Variants in GRM3 observed in about 807,000 individuals in gnomAD.
GRM3 encodes glutamate metabotropic receptor 3.
GRM3 carries 26 observed loss-of-function variants against 70.5 expected under a neutral mutation model. The ratio of observed to expected loss-of-function variants is 0.37; its 90% CI spans 0.27 to 0.51. GRM3 has a LOEUF of 0.51. GRM3 is among the 20% of genes least tolerant of loss of function. GRM3 has a pLI of 0.93. For missense variants in GRM3, 859 were observed against 1,123.8 expected, an observed-to-expected ratio of 0.76 and a Z score of 3.37; for synonymous variants, 443 against 434.9, an observed-to-expected ratio of 1.02 and a Z score of -0.23.
chr7:86,699,337 C>T (rs535405863), intron 1 of GRM3, among the ~76,000 whole-genome samples: 95 of 152,086 alleles, frequency 6.2e-4, no homozygotes, highest in African/African-American at 2.2e-3. Flanking sequence ...TAAGTCAATC[C>T]AGATGCAGAA....
In GRM3 at chr7:86,795,804, T is replaced by G. The variant is rs989445394; in HGVS notation, c.1324+8688T>G. Reference sequence around the variant, plus strand: ...GTCAAATGGTATTTCTGGTTCAAGGTCTTTGAGGAATTGCCACACTGTCTT... The same window carrying G: ...GTCAAATGGTATTTCTGGTTCAAGGGCTTTGAGGAATTGCCACACTGTCTT... On this transcript the variant is annotated intron_variant, in intron 3 of 5. Coordinates refer to ENST00000361669, the MANE Select transcript of GRM3 (RefSeq NM_000840.3). Among the ~76,000 whole-genome samples, 4 of 152,168 alleles carry G rather than the reference T, an allele frequency of 2.6e-5. No homozygotes were observed. In the East Asian group the frequency reaches 7.7e-4, roughly 29 times the overall value.
intron 1 of GRM3, among the ~76,000 whole-genome samples, chr7:86,737,812 A>G (rs1202610905): frequency 6.6e-6 from 1 of 152,216 alleles, no homozygotes; most frequent in African/African-American, 2.4e-5. Flanking sequence ...GCAAAAAAAA[A>G]GGAATGAAAT....
chr7:86,651,343 CT>C (rs1793601283), intron 1 of GRM3, among the ~76,000 whole-genome samples: 1 of 152,072 alleles, frequency 6.6e-6, no homozygotes, highest in Admixed American at 6.6e-5. Flanking sequence ...GAGGCTGTTT[CT>C]TTTGATTGTT....
At position 86,659,817 on chromosome 7, in the gene GRM3, A is replaced by G. The variant is rs1235044576; in HGVS notation, c.-141+14945A>G. Among the ~76,000 whole-genome samples the G allele has an allele frequency of 3.3e-5, 5 of 152,036 alleles. No homozygotes were observed. The South Asian group carries it at 6.2e-4, about 19-fold the overall frequency. ...ATTTTAAAGCTTTATTTCTTTACAA[A>G]CTATTTGTTCTTTTGATCTCCAGAA... On this transcript the variant is annotated intron_variant, in intron 1 of 5. Coordinates refer to ENST00000361669, the MANE Select transcript of GRM3 (RefSeq NM_000840.3).
At chr7:86,823,611 G>A (rs887937609) in intron 3 of GRM3, among the ~76,000 whole-genome samples, 5 of 132,636 alleles carry the variant, frequency 3.8e-5, no homozygotes, top group Non-Finnish European at 8.1e-5. Context: ...TTTTTGGCGG[G>A]GGGGGATTAG....
At chr7:86,673,116 A>G (rs1317310849) in intron 1 of GRM3, among the ~76,000 whole-genome samples, 1 of 152,132 alleles carries the variant, frequency 6.6e-6, no homozygotes, top group African/African-American at 2.4e-5. Context: ...TATATATATT[A>G]TCATATTTCC....
intron 3 of GRM3, among the ~76,000 whole-genome samples, chr7:86,811,735 T>A (rs1339521216): frequency 6.6e-6 from 1 of 151,826 alleles, no homozygotes; most frequent in Non-Finnish European, 1.5e-5. Context: ...AACAACATTA[T>A]ATTAAGAATT....
At position 86,644,715 on chromosome 7, in the gene GRM3, T is replaced by C. The variant is rs1205408705; in HGVS notation, c.-298T>C. 9 of 1,097,444 alleles carry C rather than the reference T, an allele frequency of 8.2e-6. No homozygotes were observed. In the East Asian group the frequency reaches 5.2e-4, roughly 64 times the overall value. 68.0% of individuals were successfully genotyped at this position (1,097,444 alleles called of 1,614,324 possible). On this transcript the variant is annotated 5_prime_UTR_variant, in exon 1 of 6. Coordinates refer to ENST00000361669, the MANE Select transcript of GRM3 (RefSeq NM_000840.3). ...CAAGTTGGCCATTTCGAGGGCAAAA[T>C]AAGTTCTCCCTTGGATTTGGAAAGG...
intron 1 of GRM3, among the ~76,000 whole-genome samples, chr7:86,746,044 T>C (rs191819079): frequency 6.6e-6 from 1 of 152,088 alleles, no homozygotes; most frequent in Non-Finnish European, 1.5e-5. Flanking sequence ...TGTTTCCCCT[T>C]TTCTCCTCCC....
intron 1 of GRM3, among the ~76,000 whole-genome samples, chr7:86,726,455 T>C (rs933928347): frequency 2.6e-5 from 4 of 152,200 alleles, no homozygotes; most frequent in African/African-American, 9.6e-5. Flanking sequence ...TATTGCAATA[T>C]ATAGTTCAGA....
chr7:86,842,316 A>G (rs1798572278), intron 4 of GRM3, among the ~76,000 whole-genome samples: 1 of 152,220 alleles, frequency 6.6e-6, no homozygotes, highest in Non-Finnish European at 1.5e-5. Context: ...GAAACTTTAC[A>G]TAAATATCCA....
chr7:86,803,876 T>C (rs1333137930), intron 3 of GRM3, among the ~76,000 whole-genome samples: 1 of 152,212 alleles, frequency 6.6e-6, no homozygotes, highest in Non-Finnish European at 1.5e-5. Context: ...ATTTTAGTAA[T>C]CGTTGTGAAG....
At chr7:86,681,648 A>G (rs1380516839) in intron 1 of GRM3, among the ~76,000 whole-genome samples, 1 of 152,130 alleles carries the variant, frequency 6.6e-6, no homozygotes. Flanking sequence ...ATGCCTGAGG[A>G]AATAGTATAA....
chr7:86,858,480 G>A (rs926359090), intron 5 of GRM3, among the ~76,000 whole-genome samples: 25 of 152,120 alleles, frequency 1.6e-4, no homozygotes, highest in Non-Finnish European at 1.5e-5. Flanking sequence ...AGGAGAGGAA[G>A]AGAGACCTGA....
At chr7:86,734,107 G>T (rs1044636536) in intron 1 of GRM3, among the ~76,000 whole-genome samples, 1 of 152,146 alleles carries the variant, frequency 6.6e-6, no homozygotes, top group African/African-American at 2.4e-5. Context: ...GGGGAGAAAA[G>T]ACATCAGACT....
chr7:86,664,986 G>C (rs982825905), intron 1 of GRM3, among the ~76,000 whole-genome samples: 2 of 151,928 alleles, frequency 1.3e-5, no homozygotes, highest in Non-Finnish European at 2.9e-5. Context: ...TCTCAATTCT[G>C]AGAAGGATAG....
intron 1 of GRM3, among the ~76,000 whole-genome samples, chr7:86,669,658 A>G (rs963648158): frequency 1.3e-5 from 2 of 152,188 alleles, no homozygotes; most frequent in Non-Finnish European, 2.9e-5. Context: ...ACATTTCACA[A>G]CAAGTATTTT....
chr7:86,722,169 T>C (rs1795482257), intron 1 of GRM3, among the ~76,000 whole-genome samples: 1 of 152,102 alleles, frequency 6.6e-6, no homozygotes, highest in South Asian at 2.1e-4. Flanking sequence ...ACCAGCAACT[T>C]TGATTCATTA....
At chr7:86,767,817 C>T (rs1796645576) in intron 2 of GRM3, among the ~76,000 whole-genome samples, 1 of 151,938 alleles carries the variant, frequency 6.6e-6, no homozygotes, top group African/African-American at 2.4e-5. Flanking sequence ...TTTTTACAAT[C>T]TAATTTTACT....
Sources: allele counts gnomAD v4.1 joint callset (sites outside exome capture counted in the v4.1 genomes callset), GRCh38; gene constraint gnomAD v4.1.1; transcripts MANE v1.5; gene names NCBI Gene and HGNC (gene_info 2026-07-23, HGNC 2026-07-21).